PTH1R: variants seen among roughly 807,000 people sequenced by gnomAD.
PTH1R encodes the protein parathyroid hormone 1 receptor, also known as parathyroid hormone/parathyroid hormone-related peptide receptor.
Under a neutral mutation model 70.7 loss-of-function variants are expected in PTH1R, and 32 were observed. That is an observed-to-expected ratio of 0.45 (90% CI 0.34 to 0.61). The LOEUF is 0.61. Ranked by LOEUF, PTH1R falls within the 20% of genes least tolerant of loss-of-function variation. The pLI is 0.01. For synonymous variants in PTH1R, 329 were observed against 324.8 expected, an observed-to-expected ratio of 1.01 and a Z score of -0.14; for missense variants, 626 against 792.5, an observed-to-expected ratio of 0.79 and a Z score of 2.52.
intron 5 of PTH1R, among the ~76,000 whole-genome samples, chr3:46,897,183 GAA>G (rs2031802763): frequency 6.6e-6 from 1 of 152,232 alleles, no homozygotes; most frequent in Non-Finnish European, 1.5e-5. Flanking sequence ...AGAGCAGAGA[GAA>G]AGGCGAGAGG....
intron 4 of PTH1R, among the ~76,000 whole-genome samples, chr3:46,894,650 AC>A (rs979425965): frequency 2.6e-5 from 4 of 151,324 alleles, no homozygotes; most frequent in Admixed American, 1.3e-4. Flanking sequence ...ACTGTACCCC[AC>A]CCTGCTACCC....
chr3:46,888,379 C>T lies in PTH1R; in HGVS notation c.75+4745C>T, dbSNP rs977820122. On this transcript the variant is annotated intron_variant, in intron 3 of 15. Coordinates refer to ENST00000449590, the MANE Select transcript of PTH1R (RefSeq NM_000316.3). ...AGCAGCAGGAGGGTGCCGAGCCCTCCGAGGAACTGGGGTTTTCTTCGGAAT... is the reference window on the plus strand; with the variant it reads ...AGCAGCAGGAGGGTGCCGAGCCCTCTGAGGAACTGGGGTTTTCTTCGGAAT... 3.9e-5 allele frequency among the ~76,000 whole-genome samples: 6 copies of T among 152,206 alleles called. No homozygotes were observed. The East Asian group carries it at 5.8e-4, about 15-fold the overall frequency.
At chr3:46,894,186 A>G (rs1296578896) in intron 4 of PTH1R, among the ~76,000 whole-genome samples, 177 bp downstream of exon 4, 47 of 152,116 alleles carry the variant, frequency 3.1e-4, no homozygotes, top group Admixed American at 3.1e-3. Flanking sequence ...TGGAGTCAGC[A>G]GGCTCGGGCA....
In PTH1R at chr3:46,903,252, C is replaced by T. The variant is rs765615846; in HGVS notation, c.1396-18C>T. ...GGTTGGGAGACACACCTGACTGCCGCACCCTTACTGCCCCAAGGTACAAGC... is the reference window on the plus strand; with the variant it reads ...GGTTGGGAGACACACCTGACTGCCGTACCCTTACTGCCCCAAGGTACAAGC... On this transcript the variant is annotated intron_variant, in intron 15 of 15. Transcript: ENST00000449590. This position sits in a 1 kb window ranked among gnomAD's most constrained non-coding sequence, Gnocchi z 4.4. 1.2e-6 allele frequency: 2 copies of T among 1,611,880 alleles called. No homozygotes were observed. The highest frequency in any genetic ancestry group is 2.2e-5 in the East Asian group (1 of 44,864).
Position 46,902,761 on chromosome 3 carries a change from G to T in PTH1R, c.1366G>T (p.Ala456Ser), listed in dbSNP as rs199614910. The T allele has an allele frequency of 1.2e-6, 2 of 1,613,734 alleles. No individual in the cohort carries two copies. Among genetic ancestry groups the T allele is most frequent in the African/African-American group, 2.7e-5 (2 of 74,864 alleles). The change falls in exon 15 of 16, where the codon GCA becomes TCA. Residue 456 changes from alanine to serine, a missense_variant. By Grantham distance (99) the Ala-to-Ser change is moderately conservative. This residue lies in a region of PTH1R where 495 missense variants were observed against 638.7 expected (regional missense o/e 0.77). Coordinates refer to ENST00000449590, the MANE Select transcript of PTH1R (RefSeq NM_000316.3). This position sits in a 1 kb window ranked among gnomAD's most constrained non-coding sequence, Gnocchi z 5.4. ...CCCCTCTTCACAGGGATTTTTTGTC[G>T]CAATCATATACTGTTTCTGCAATGG... ...LFNSFQGFFV[A>S]IIYCFCNGEV...
In PTH1R at chr3:46,896,920, C is replaced by A. The variant is rs2031787391; in HGVS notation, c.314-935C>A. 6.6e-6 allele frequency among the ~76,000 whole-genome samples: 1 copy of A among 152,182 alleles called. No homozygotes were observed. Among genetic ancestry groups the A allele is most frequent in the South Asian group, 2.1e-4 (1 of 4,830 alleles). The stretch of plus-strand genomic sequence containing the variant: ...GGAGTCTCACAGCAGGTACTCAGGG[C>A]AGGCATTGAGTGGTGGTAGAAGCAT... On this transcript the variant is annotated intron_variant, in intron 5 of 15. Coordinates refer to ENST00000449590, the MANE Select transcript of PTH1R (RefSeq NM_000316.3). The surrounding 1 kb of genome is among the most constrained non-coding windows in gnomAD (Gnocchi z 4.1).
Position 46,883,412 on chromosome 3 carries a change from G to A in PTH1R, c.-48-100G>A, listed in dbSNP as rs2030790844. ...CCTCAGCGCATGGGCCCCGCGCCGG[G>A]CCCCGGGGCCTCGGGCCGCCGGGAC... On this transcript the variant is annotated intron_variant, in intron 2 of 15. Coordinates refer to ENST00000449590, the MANE Select transcript of PTH1R (RefSeq NM_000316.3). This position sits in a 1 kb window ranked among gnomAD's most constrained non-coding sequence, Gnocchi z 6.4. The A allele has an allele frequency of 4.3e-6, 2 of 470,192 alleles. No homozygotes were observed. The allele number at this position is 470,192 out of a possible 1,614,324, so 29.1% of individuals were successfully genotyped here. A position where few individuals can be genotyped will look rare whatever the true frequency, so the allele number is the denominator to read the frequency against.
Position 46,895,784 on chromosome 3 carries a change from G to C in PTH1R, c.228G>C (p.Gly76=). 1 of 1,614,150 alleles carries C rather than the reference G, an allele frequency of 6.2e-7. No individual in the cohort carries two copies. Among genetic ancestry groups the C allele is most frequent in the South Asian group, 1.1e-5 (1 of 91,076 alleles). The change falls in exon 5 of 16, where the codon GGG becomes GGC. Residue 76 remains glycine (G), a synonymous_variant. Coordinates refer to ENST00000449590, the MANE Select transcript of PTH1R (RefSeq NM_000316.3). ...DKGWTSASTS[G]KPRKDKASGK... is the part of the protein sequence containing the mutation. ...GATGGACATCTGCGTCCACATCAGG[G>C]AAGCCCAGGAAAGATAAGGCATCTG...
Position 46,892,762 on chromosome 3 carries a change from C to T in PTH1R, c.76-1145C>T. On this transcript the variant is annotated intron_variant, in intron 3 of 15. Transcript: ENST00000449590. This position sits in a 1 kb window ranked among gnomAD's most constrained non-coding sequence, Gnocchi z 5.2. ...CTGCAGGGCCCCGGCCCCGCCTTGG[C>T]GCGTCTGAAGGATGCAGCTCTGCCG... The T allele has an allele frequency of 3.0e-6, 3 of 985,722 alleles. No homozygotes were observed. Among genetic ancestry groups the T allele is most frequent in the Non-Finnish European group, 1.2e-6 (1 of 830,152 alleles). 61.1% of individuals were successfully genotyped at this position (985,722 alleles called of 1,614,324 possible). A position where few individuals can be genotyped will look rare whatever the true frequency, so the allele number is the denominator to read the frequency against.
At chr3:46,881,423 C>T (rs1038607400) in intron 2 of PTH1R, among the ~76,000 whole-genome samples, 1 of 152,136 alleles carries the variant, frequency 6.6e-6, no homozygotes, top group Non-Finnish European at 1.5e-5. Flanking sequence ...CCGAGCCGGC[C>T]GATAGCTTTT....
In PTH1R at chr3:46,892,486, C is replaced by G. The variant is rs1377081129; in HGVS notation, c.76-1421C>G. Reference sequence around the variant, plus strand: ...GCGCTGCCACTCGCGCGCGCACGCACAGGGACGCGCACGCGGCTCCGCTAA... The same window carrying G: ...GCGCTGCCACTCGCGCGCGCACGCAGAGGGACGCGCACGCGGCTCCGCTAA... On this transcript the variant is annotated intron_variant, in intron 3 of 15. Transcript: ENST00000449590. This position sits in a 1 kb window ranked among gnomAD's most constrained non-coding sequence, Gnocchi z 5.2. Among the ~76,000 whole-genome samples, 1 of 152,226 alleles carries G rather than the reference C, an allele frequency of 6.6e-6. No homozygotes were observed. The highest frequency in any genetic ancestry group is 1.9e-4 in the East Asian group (1 of 5,192).
rs1214012452 is a variant in PTH1R, at chr3:46,902,559, C to A, written c.1245C>A (p.Pro415=). 1.9e-6 allele frequency: 3 copies of A among 1,613,098 alleles called. No homozygotes were observed. The highest frequency in any genetic ancestry group is 3.3e-5 in the Admixed American group (2 of 59,998). ...TCAAATCCACGCTGGTGCTCATGCC[C>A]CTCTTTGGCGTCCACTACATTGTCT... The part of the protein sequence containing the change: ...KLLKSTLVLM[P]LFGVHYIVFM... The change falls in exon 14 of 16, where the codon CCC becomes CCA. Residue 415 remains proline, a synonymous_variant. Transcript: ENST00000449590. The surrounding 1 kb of genome is among the most constrained non-coding windows in gnomAD (Gnocchi z 5.4).
rs571180250 is a variant in PTH1R, at chr3:46,893,451, G to A, written c.76-456G>A. Among the ~76,000 whole-genome samples the A allele has an allele frequency of 4.7e-4, 72 of 152,200 alleles. No individual in the cohort carries two copies. Among genetic ancestry groups the A allele is most frequent in the African/African-American group, 1.7e-3 (69 of 41,526 alleles). ...ACTGGTGACTCCCAAGACCCCCCAG[G>A]GTGCCAGGACTTGAAGGACTCCAGG... is the stretch of plus-strand genomic sequence containing the variant. On this transcript the variant is annotated intron_variant, in intron 3 of 15. Coordinates refer to ENST00000449590, the MANE Select transcript of PTH1R (RefSeq NM_000316.3). The surrounding 1 kb of genome is among the most constrained non-coding windows in gnomAD (Gnocchi z 5.2).
rs2030703812 is a variant in PTH1R at position 46,882,840 on chromosome 3, G to C, written c.-48-672G>C. Among the ~76,000 whole-genome samples the C allele has an allele frequency of 1.3e-5, 2 of 151,984 alleles. No homozygotes were observed. On this transcript the variant is annotated intron_variant, in intron 2 of 15. Transcript: ENST00000449590. The surrounding 1 kb of genome is among the most constrained non-coding windows in gnomAD (Gnocchi z 4.3). ...GCAAGCGGGGCTCTGGCCAAGGATG[G>C]GGAAGGGGTGCGGGAGGCGGCTGCC... is the stretch of plus-strand genomic sequence containing the variant.
chr3:46,897,271 G>A (rs1008884867), intron 5 of PTH1R, among the ~76,000 whole-genome samples: 2 of 152,238 alleles, frequency 1.3e-5, no homozygotes, highest in East Asian at 3.8e-4. Context: ...TACCTCTCTT[G>A]GCCTCTGTCA....
chr3:46,883,060 C>G lies in PTH1R; in HGVS notation c.-48-452C>G, dbSNP rs900209788. ...AAAAATAACAGTCCTGCGCGCCCCC[C>G]GCAGACCGCGACCCCGACCCCTCCC... On this transcript the variant is annotated intron_variant, in intron 2 of 15. Transcript: ENST00000449590. This position sits in a 1 kb window ranked among gnomAD's most constrained non-coding sequence, Gnocchi z 6.4. 6.6e-6 allele frequency among the ~76,000 whole-genome samples: 1 copy of G among 151,788 alleles called. No individual in the cohort carries two copies. The highest frequency in any genetic ancestry group is 1.5e-5 in the Non-Finnish European group (1 of 67,850).
In PTH1R at chr3:46,891,974, C is replaced by T. The variant is rs137868275; in HGVS notation, c.76-1933C>T. 6.9e-4 allele frequency among the ~76,000 whole-genome samples: 105 copies of T among 152,138 alleles called. 1 individual carries two copies. The East Asian group carries it at 0.018, about 26-fold the overall frequency. ...AGGTGGACAGGGATCAGCCCCCTCA[C>T]CAGCATGGATCCCCCATGTCAGAGG... On this transcript the variant is annotated intron_variant, in intron 3 of 15. Coordinates refer to ENST00000449590, the MANE Select transcript of PTH1R (RefSeq NM_000316.3). The surrounding 1 kb of genome is among the most constrained non-coding windows in gnomAD (Gnocchi z 4.3).
intron 3 of PTH1R, among the ~76,000 whole-genome samples, chr3:46,887,397 A>G (rs918286353): frequency 2.0e-5 from 3 of 150,864 alleles, no homozygotes; most frequent in Admixed American, 6.6e-5. Context: ...CAAGGCTGCA[A>G]TGAGCTACGA....
rs1258912550 is a variant in PTH1R, at chr3:46,882,865, C to G, written c.-48-647C>G. ...GGGAAGGGGTGCGGGAGGCGGCTGC[C>G]GAGGGTCTGGGATCTCAGGAGGCCG... is the stretch of plus-strand genomic sequence containing the variant. On this transcript the variant is annotated intron_variant, in intron 2 of 15. Coordinates refer to ENST00000449590, the MANE Select transcript of PTH1R (RefSeq NM_000316.3). The surrounding 1 kb of genome is among the most constrained non-coding windows in gnomAD (Gnocchi z 4.3). 6.6e-6 allele frequency among the ~76,000 whole-genome samples: 1 copy of G among 151,642 alleles called. No homozygotes were observed. Among genetic ancestry groups the G allele is most frequent in the Non-Finnish European group, 1.5e-5 (1 of 67,892 alleles).
Sources: gnomAD v4.1 joint callset for allele counts (sites outside exome capture counted in the v4.1 genomes callset) on GRCh38, gnomAD v4.1.1 for gene constraint, gnomAD v4.1.1 regional missense constraint, Gnocchi (gnomAD v3.1) non-coding constraint, MANE v1.5 for transcripts, NCBI Gene and HGNC (gene_info 2026-07-23, HGNC 2026-07-21) for gene names.